CTIF: variants seen among roughly 807,000 people sequenced by gnomAD.
The protein encoded by CTIF is cap binding complex dependent translation initiation factor, also known as CBP80/20-dependent translation initiation factor.
A neutral mutation model predicts 66.0 loss-of-function variants in CTIF; 21 were observed. That is an observed-to-expected ratio of 0.32 (90% CI 0.23 to 0.46). CTIF has a LOEUF of 0.46. Among genes scored for constraint, CTIF ranks in the 20% least tolerant of loss-of-function variants. The pLI is 1.00. For missense variants in CTIF, 739 were observed against 812.7 expected (o/e 0.91, Z 1.10); for synonymous variants, 345 against 326.4 (o/e 1.06, Z -0.62).
chr18:48,660,809 C>T (rs1324680446), intron 3 of CTIF, among the ~76,000 whole-genome samples: 1 of 152,194 alleles, frequency 6.6e-6, no homozygotes, highest in Non-Finnish European at 1.5e-5. Flanking sequence ...ATCTGCACTG[C>T]CCTTCAACTG....
At chr18:48,839,110 GCCA>G (rs1195480415) in intron 10 of CTIF, among the ~76,000 whole-genome samples, 1 of 152,066 alleles carries the variant, frequency 6.6e-6, no homozygotes, top group Admixed American at 6.6e-5. Context: ...CTTGAATCTG[GCCA>G]CCACTTTTCT....
chr18:48,638,726 C>T (rs750751587), intron 3 of CTIF, among the ~76,000 whole-genome samples: 12 of 152,234 alleles, frequency 7.9e-5, no homozygotes, highest in East Asian at 5.8e-4. Flanking sequence ...ACTCGGGGTA[C>T]GCAGTGTTTG....
chr18:48,729,924 A>G (rs16949898), intron 7 of CTIF, among the ~76,000 whole-genome samples: 2,174 of 152,282 alleles, frequency 0.014, 59 homozygotes, highest in African/African-American at 0.05. Context: ...GCTCTTTCCA[A>G]TCCACCCAGA....
intron 3 of CTIF, among the ~76,000 whole-genome samples, chr18:48,655,031 G>A (rs1486770120): frequency 6.6e-6 from 1 of 152,000 alleles, no homozygotes; most frequent in African/African-American, 2.4e-5. Context: ...TAAATGACGA[G>A]TTAATGGGTG....
At chr18:48,747,097 A>G (rs1287037346) in intron 7 of CTIF, among the ~76,000 whole-genome samples, 1 of 152,178 alleles carries the variant, frequency 6.6e-6, no homozygotes, top group African/African-American at 2.4e-5. Flanking sequence ...TAACAAATAC[A>G]CCAGAGTTTG....
intron 1 of CTIF, among the ~76,000 whole-genome samples, chr18:48,577,066 C>G (rs1406666623): frequency 1.3e-5 from 2 of 152,196 alleles, no homozygotes; most frequent in African/African-American, 4.8e-5. Flanking sequence ...GTTTCACAGG[C>G]TGGCCTGGGG....
At chr18:48,587,603 T>C (rs1051527715) in intron 1 of CTIF, among the ~76,000 whole-genome samples, 6 of 152,300 alleles carry the variant, frequency 3.9e-5, no homozygotes, top group South Asian at 4.1e-4. Flanking sequence ...ATGCATGGCA[T>C]GACTGTGGGC....
intron 7 of CTIF, among the ~76,000 whole-genome samples, chr18:48,730,047 C>A (rs2092423680): frequency 6.6e-6 from 1 of 152,238 alleles, no homozygotes; most frequent in Admixed American, 6.5e-5. Flanking sequence ...AGCTGTGCTG[C>A]CCAGCGCAGT....
chr18:48,645,974 A>G (rs528472393), intron 3 of CTIF, among the ~76,000 whole-genome samples: 3 of 152,232 alleles, frequency 2.0e-5, no homozygotes, highest in African/African-American at 7.2e-5. Context: ...CTCATGAGCT[A>G]ACATGAAAAT....
intron 10 of CTIF, among the ~76,000 whole-genome samples, chr18:48,855,090 G>A (rs1442864468): frequency 3.9e-5 from 6 of 152,330 alleles, no homozygotes; most frequent in East Asian, 1.9e-4. Flanking sequence ...CTGGCCTGGC[G>A]CAGGCGCTCG....
intron 9 of CTIF, among the ~76,000 whole-genome samples, chr18:48,803,340 A>AT (rs953596142): frequency 1.3e-5 from 2 of 152,288 alleles, no homozygotes; most frequent in South Asian, 2.1e-4. Context: ...GTGTCTGGTA[A>AT]TTTTTTATTA....
chr18:48,754,330 C>G (rs1210366376), intron 7 of CTIF, among the ~76,000 whole-genome samples: 3 of 152,200 alleles, frequency 2.0e-5, no homozygotes, highest in African/African-American at 7.2e-5. Flanking sequence ...CTCCTGGAGC[C>G]CCTGGCAGGC....
At chr18:48,792,688 A>G (rs1188215503) in intron 9 of CTIF, among the ~76,000 whole-genome samples, 1 of 152,146 alleles carries the variant, frequency 6.6e-6, no homozygotes, top group Non-Finnish European at 1.5e-5. Context: ...GATCCTCTGA[A>G]GGACTGGACG....
chr18:48,620,249 T>G (rs1195897259), intron 2 of CTIF, among the ~76,000 whole-genome samples: 1 of 152,184 alleles, frequency 6.6e-6, no homozygotes, highest in Non-Finnish European at 1.5e-5. Flanking sequence ...TCAGACATAC[T>G]TAGACATATG....
rs149827955 is a variant in CTIF at position 48,853,451 on chromosome 18, C to T, written c.1528-4137C>T. 8.1e-4 allele frequency among the ~76,000 whole-genome samples: 123 copies of T among 152,208 alleles called. No individual in the cohort carries two copies. In the East Asian group the frequency reaches 0.018, roughly 22 times the overall value. ...AATATGTGGGTGGGATGCGAGACCCCGAGGGTCCTCAGTGCCTGTCACGTG... is the reference window on the plus strand; with the variant it reads ...AATATGTGGGTGGGATGCGAGACCCTGAGGGTCCTCAGTGCCTGTCACGTG... On this transcript the variant is annotated intron_variant, in intron 10 of 11. Coordinates refer to ENST00000256413, the MANE Select transcript of CTIF (RefSeq NM_014772.3).
chr18:48,584,060 G>A (rs944268773), intron 1 of CTIF, among the ~76,000 whole-genome samples: 4 of 152,154 alleles, frequency 2.6e-5, no homozygotes, highest in African/African-American at 9.7e-5. Context: ...GAATTTTGAA[G>A]AAAGCGGCCC....
At chr18:48,548,671 G>T (rs961257268) in intron 1 of CTIF, among the ~76,000 whole-genome samples, 5 of 152,216 alleles carry the variant, frequency 3.3e-5, no homozygotes, top group African/African-American at 1.2e-4. Context: ...TGAAGGTCAG[G>T]GATTCCGAGA....
At chr18:48,709,476 C>T (rs960558135) in intron 6 of CTIF, among the ~76,000 whole-genome samples, 1 of 152,250 alleles carries the variant, frequency 6.6e-6, no homozygotes, top group Non-Finnish European at 1.5e-5. Flanking sequence ...AGGCCCACAC[C>T]GAGGAGGCTG....
At chr18:48,652,138 C>A (rs1467961744) in intron 3 of CTIF, among the ~76,000 whole-genome samples, 3 of 152,116 alleles carry the variant, frequency 2.0e-5, no homozygotes, top group Non-Finnish European at 2.9e-5. Flanking sequence ...AAGATCAGAG[C>A]AGAACTGAAG....
Sources: gnomAD v4.1 joint callset for allele counts (sites outside exome capture counted in the v4.1 genomes callset) on GRCh38, gnomAD v4.1.1 for gene constraint, MANE v1.5 for transcripts, NCBI Gene and HGNC (gene_info 2026-07-23, HGNC 2026-07-21) for gene names.